NRXN3: variants seen among roughly 807,000 people sequenced by gnomAD.
NRXN3 encodes the protein neurexin III.
Under a neutral mutation model 137.6 loss-of-function variants are expected in NRXN3, and 32 were observed. The ratio of observed to expected loss-of-function variants is 0.23; its 90% CI spans 0.18 to 0.31. NRXN3 has a LOEUF of 0.31. NRXN3 is among the 10% of genes least tolerant of loss of function. NRXN3 has a pLI of 1.00. For missense variants in NRXN3, 1,574 were observed against 2,062.5 expected (o/e 0.76, Z 4.59); for synonymous variants, 798 against 784.5 (o/e 1.02, Z -0.29).
Position 79,862,400 on chromosome 14 carries a change from T to G in NRXN3, c.*436T>G, listed in dbSNP as rs990434155. ...TGAAGCTTGACTGTAACCATGTTTT[T>G]TCTGTTTAATTATGTAAAAAACAAA... On this transcript the variant is annotated 3_prime_UTR_variant, in exon 21 of 21. Coordinates refer to ENST00000335750, the MANE Select transcript of NRXN3 (RefSeq NM_001330195.2). 6.5e-6 allele frequency: 1 copy of G among 153,530 alleles called. No homozygotes were observed. The highest frequency in any genetic ancestry group is 2.4e-5 in the African/African-American group (1 of 41,454). The allele number at this position is 153,530 out of a possible 1,614,324, so 9.5% of individuals were successfully genotyped here. A position where few individuals can be genotyped will look rare whatever the true frequency, so the allele number is the denominator to read the frequency against.
At chr14:79,327,011 G>A (rs1027242968) in intron 15 of NRXN3, among the ~76,000 whole-genome samples, 1 of 152,106 alleles carries the variant, frequency 6.6e-6, no homozygotes, top group Non-Finnish European at 1.5e-5. Flanking sequence ...TCTTGAGATG[G>A]AGAATTAGAA....
rs558085512 is a variant in NRXN3, at chr14:78,570,486, C to T, written c.758-74634C>T. 2.6e-5 allele frequency among the ~76,000 whole-genome samples: 4 copies of T among 152,326 alleles called. No individual in the cohort carries two copies. The South Asian group carries it at 8.3e-4, about 32-fold the overall frequency. ...GAGCTGTCATGCTTTTCAGGTTCAG[C>T]TTAAAGCTCAGATGGGAAATACAGG... On this transcript the variant is annotated intron_variant, in intron 4 of 20. Transcript: ENST00000335750.
intron 16 of NRXN3, among the ~76,000 whole-genome samples, chr14:79,559,565 T>C (rs2097467620): frequency 6.6e-6 from 1 of 152,036 alleles, no homozygotes; most frequent in African/African-American, 2.4e-5. Context: ...CAGGTCACCA[T>C]AACAGATATA....
intron 15 of NRXN3, among the ~76,000 whole-genome samples, chr14:79,056,812 T>C (rs1297405349): frequency 6.6e-6 from 1 of 152,232 alleles, no homozygotes; most frequent in Non-Finnish European, 1.5e-5. Flanking sequence ...GTACTGGGAC[T>C]ATGGAAAATT....
chr14:78,578,679 T>C (rs986309717), intron 4 of NRXN3, among the ~76,000 whole-genome samples: 16 of 152,178 alleles, frequency 1.1e-4, no homozygotes, highest in Non-Finnish European at 1.9e-4. Flanking sequence ...AAAAAGATGT[T>C]AGCATCTTGA....
Position 79,049,473 on chromosome 14 carries a change from T to G in NRXN3, c.3262+61332T>G, listed in dbSNP as rs537285639. On this transcript the variant is annotated intron_variant, in intron 15 of 20. Coordinates refer to ENST00000335750, the MANE Select transcript of NRXN3 (RefSeq NM_001330195.2). ...CCACCACATCTGCAGTTACTTCCTA[T>G]GCCAAAGTCTTGAACCCCATAAAGC... is the stretch of plus-strand genomic sequence containing the variant. Among the ~76,000 whole-genome samples the G allele has an allele frequency of 3.5e-4, 53 of 152,324 alleles. No homozygotes were observed. In the South Asian group the frequency reaches 0.011, roughly 31 times the overall value.
At position 79,862,249 on chromosome 14, in the gene NRXN3, A is replaced by T; in HGVS notation, c.*285A>T. On this transcript the variant is annotated 3_prime_UTR_variant, in exon 21 of 21. Coordinates refer to ENST00000335750, the MANE Select transcript of NRXN3 (RefSeq NM_001330195.2). ...ATAAAGCACACACTTAGCGCTCTGG[A>T]GCCGGACGGTGGCTCCACCACTTCC... is the stretch of plus-strand genomic sequence containing the variant. The T allele has an allele frequency of 3.6e-6, 1 of 274,644 alleles. No homozygotes were observed. Among genetic ancestry groups the T allele is most frequent in the Non-Finnish European group, 6.9e-6 (1 of 144,160 alleles). 17.0% of individuals were successfully genotyped at this position (274,644 alleles called of 1,614,324 possible). A position where few individuals can be genotyped will look rare whatever the true frequency, so the allele number is the denominator to read the frequency against.
At chr14:78,767,184 G>T (rs560417056) in intron 8 of NRXN3, among the ~76,000 whole-genome samples, 4 of 152,280 alleles carry the variant, frequency 2.6e-5, no homozygotes, top group Admixed American at 2.6e-4. Flanking sequence ...AGCTCACACG[G>T]TTAGCAGGAT....
At chr14:79,126,798 A>C (rs929043454) in intron 15 of NRXN3, among the ~76,000 whole-genome samples, 16 of 152,184 alleles carry the variant, frequency 1.1e-4, no homozygotes, top group Admixed American at 2.6e-4. Flanking sequence ...CCAACAGTGT[A>C]AAAGTCTTCC....
intron 10 of NRXN3, among the ~76,000 whole-genome samples, chr14:78,849,492 G>T (rs955780776): frequency 6.6e-6 from 1 of 152,070 alleles, no homozygotes; most frequent in African/African-American, 2.4e-5. Flanking sequence ...TAGAGGTCTG[G>T]TAGTTCTAAA....
chr14:79,427,431 AACACACACACAAACAC>A lies in NRXN3; in HGVS notation c.3263-39768_3263-39753del, dbSNP rs1448153191. Reference sequence around the variant, plus strand: ...CCATTCTACTTCAGTCTCCTTAGCAAACACACACACAAACACACACACACACAAACACACACAACAC... The same window carrying A: ...CCATTCTACTTCAGTCTCCTTAGCAAACACACACACAAACACACACAACAC... On this transcript the variant is annotated intron_variant, in intron 15 of 20. Coordinates refer to ENST00000335750, the MANE Select transcript of NRXN3 (RefSeq NM_001330195.2). Among the ~76,000 whole-genome samples, 12 of 151,592 alleles carry A rather than the reference AACACACACACAAACAC, an allele frequency of 7.9e-5. No individual in the cohort carries two copies. The South Asian group carries it at 1.0e-3, about 13-fold the overall frequency.
intron 19 of NRXN3, among the ~76,000 whole-genome samples, chr14:79,709,232 G>A (rs1398132595): frequency 1.3e-5 from 2 of 152,058 alleles, no homozygotes; most frequent in African/African-American, 2.4e-5. Flanking sequence ...AAATATTTAC[G>A]GTTCCTTGCT....
At chr14:79,360,031 T>C (rs2093628937) in intron 15 of NRXN3, among the ~76,000 whole-genome samples, 1 of 152,184 alleles carries the variant, frequency 6.6e-6, no homozygotes, top group Non-Finnish European at 1.5e-5. Context: ...TGGAAACTAA[T>C]ACAAATGTTA....
chr14:79,502,756 A>G (rs547281928), intron 16 of NRXN3, among the ~76,000 whole-genome samples: 3 of 152,038 alleles, frequency 2.0e-5, no homozygotes, highest in South Asian at 4.2e-4. Flanking sequence ...CTCCTTTATC[A>G]TAGCATGCTG....
intron 10 of NRXN3, among the ~76,000 whole-genome samples, chr14:78,911,464 T>A (rs1024176351): frequency 6.6e-6 from 1 of 152,198 alleles, no homozygotes; most frequent in Non-Finnish European, 1.5e-5. Flanking sequence ...TGGTTACTAC[T>A]GAACCAAGAA....
chr14:79,450,367 ATGGTG>A (rs2096146465), intron 15 of NRXN3, among the ~76,000 whole-genome samples: 1 of 152,214 alleles, frequency 6.6e-6, no homozygotes, highest in African/African-American at 2.4e-5. Context: ...ATTGCATAGC[ATGGTG>A]ACTACAGCTA....
intron 4 of NRXN3, among the ~76,000 whole-genome samples, chr14:78,559,623 A>G (rs1227691549): frequency 2.0e-5 from 3 of 152,234 alleles, no homozygotes; most frequent in African/African-American, 7.2e-5. Flanking sequence ...CATGCACAAG[A>G]AAAATTTCTA....
chr14:78,937,185 GAAAAAAA>G (rs199876825), intron 10 of NRXN3, among the ~76,000 whole-genome samples: 1 of 98,550 alleles, frequency 1.0e-5, no homozygotes, highest in East Asian at 2.5e-4. Context: ...TCGTGCCATT[GAAAAAAA>G]AAAAAAAAAA....
intron 2 of NRXN3, among the ~76,000 whole-genome samples, chr14:78,262,106 G>A (rs1166122919): frequency 6.6e-6 from 1 of 152,212 alleles, no homozygotes; most frequent in Non-Finnish European, 1.5e-5. Flanking sequence ...ATGAGAAGGA[G>A]CAGGGGAGAA....
Sources: allele counts gnomAD v4.1 joint callset (sites outside exome capture counted in the v4.1 genomes callset), GRCh38; gene constraint gnomAD v4.1.1; transcripts MANE v1.5; gene names NCBI Gene and HGNC (gene_info 2026-07-23, HGNC 2026-07-21).